PDCD10: variants seen among roughly 807,000 people sequenced by gnomAD.
PDCD10 encodes the protein programmed cell death 10, also known as programmed cell death protein 10.
A neutral mutation model predicts 29.2 loss-of-function variants in PDCD10; 4 were observed. The ratio of observed to expected loss-of-function variants is 0.14; its 90% CI spans 0.07 to 0.31. The LOEUF is 0.31. PDCD10 is among the 10% of genes least tolerant of loss of function. PDCD10 has a pLI of 1.00. For synonymous variants in PDCD10, 70 were observed against 82.2 expected (o/e 0.85, Z 0.80); for missense variants, 183 against 257.9 (o/e 0.71, Z 1.99).
At position 167,695,550 on chromosome 3, in the gene PDCD10, G is replaced by A. The variant is rs200959967; in HGVS notation, c.395+46C>T. On this transcript the variant is annotated intron_variant, in intron 6 of 8. Coordinates refer to ENST00000392750, the MANE Select transcript of PDCD10 (RefSeq NM_007217.4). ...AAAAAATGTAGATGAGTAGTTCCTC[G>A]GAAGTACTTTTAAGAAAAGAAGAAA... The A allele has an allele frequency of 3.1e-3, 4,900 of 1,572,104 alleles. 19 individuals carry two copies. Among genetic ancestry groups the A allele is most frequent in the Non-Finnish European group, 3.6e-3 (4,124 of 1,142,006 alleles).
rs1485596030 is a variant in PDCD10, at chr3:167,683,711, T to A, written c.*597A>T. 3 of 151,788 alleles carry A rather than the reference T, an allele frequency of 2.0e-5. No homozygotes were observed. Among genetic ancestry groups the A allele is most frequent in the African/African-American group, 7.2e-5 (3 of 41,396 alleles). The allele number at this position is 151,788 out of a possible 1,614,324, so 9.4% of individuals were successfully genotyped here. Reference sequence around the variant, plus strand: ...TAAGTAATTAACAAAAATATTTCCATTGACTACTCTGTGTCCAAAGTGATT... The same window carrying A: ...TAAGTAATTAACAAAAATATTTCCAATGACTACTCTGTGTCCAAAGTGATT... On this transcript the variant is annotated 3_prime_UTR_variant, in exon 9 of 9. Coordinates refer to ENST00000392750, the MANE Select transcript of PDCD10 (RefSeq NM_007217.4).
At chr3:167,686,619 C>G (rs1210773194) in intron 8 of PDCD10, among the ~76,000 whole-genome samples, 1 of 152,148 alleles carries the variant, frequency 6.6e-6, no homozygotes, top group Non-Finnish European at 1.5e-5. Context: ...CTGAAAATTT[C>G]TAAGAAATGC....
chr3:167,683,872 CAT>C lies in PDCD10; in HGVS notation c.*434_*435del, dbSNP rs886487656. On this transcript the variant is annotated 3_prime_UTR_variant, in exon 9 of 9. Coordinates refer to ENST00000392750, the MANE Select transcript of PDCD10 (RefSeq NM_007217.4). Reference sequence around the variant, plus strand: ...ATATATATATATATATATATACACACATATATATATGCATTTTTTCAAGTAAA... The same window carrying C: ...ATATATATATATATATATATACACACATATATATGCATTTTTTCAAGTAAA... 2.4e-5 allele frequency: 4 copies of C among 163,572 alleles called. No individual in the cohort carries two copies. Among genetic ancestry groups the C allele is most frequent in the African/African-American group, 4.9e-5 (2 of 40,418 alleles). The allele number at this position is 163,572 out of a possible 1,614,324, so 10.1% of individuals were successfully genotyped here.
At chr3:167,730,183 A>C (rs1344244104) in intron 2 of PDCD10, among the ~76,000 whole-genome samples, 1 of 151,514 alleles carries the variant, frequency 6.6e-6, no homozygotes, top group Non-Finnish European at 1.5e-5. Context: ...TCTAATTGCT[A>C]TAATAAATGT....
At chr3:167,691,235 C>T (rs1017367669) in intron 6 of PDCD10, among the ~76,000 whole-genome samples, 5 of 152,050 alleles carry the variant, frequency 3.3e-5, no homozygotes, top group African/African-American at 7.2e-5. Flanking sequence ...TATACTTTAG[C>T]CTATCTATGC....
At chr3:167,692,835 A>G (rs975671316) in intron 6 of PDCD10, among the ~76,000 whole-genome samples, 16 of 152,212 alleles carry the variant, frequency 1.1e-4, no homozygotes, top group Non-Finnish European at 1.6e-4. Flanking sequence ...GGAGAGTGGC[A>G]TGAACCCGGG....
chr3:167,734,700 T>A lies in PDCD10; in HGVS notation c.-292A>T, dbSNP rs1725225637. 6.5e-6 allele frequency: 1 copy of A among 154,646 alleles called. No homozygotes were observed. Among genetic ancestry groups the A allele is most frequent in the Non-Finnish European group, 1.4e-5 (1 of 69,764 alleles). The allele number at this position is 154,646 out of a possible 1,614,324, so 9.6% of individuals were successfully genotyped here. Reference sequence around the variant, plus strand: ...CGCTCTCAGCCCCGTCCGCTCCGCCTGCCAGAACCAAGCCCAAGTGCCTCA... The same window carrying A: ...CGCTCTCAGCCCCGTCCGCTCCGCCAGCCAGAACCAAGCCCAAGTGCCTCA... On this transcript the variant is annotated 5_prime_UTR_variant, in exon 1 of 9. Transcript: ENST00000392750.
Position 167,684,361 on chromosome 3 carries a change from G to C in PDCD10, c.586C>G (p.Arg196Gly). 6.2e-7 allele frequency: 1 copy of C among 1,606,254 alleles called. No homozygotes were observed. Among genetic ancestry groups the C allele is most frequent in the Non-Finnish European group, 8.5e-7 (1 of 1,173,466 alleles). ...KAINVFVSAN[R>G]LIHQTNLILQ... The stretch of plus-strand genomic sequence containing the variant: ...ATTAAGTTGGTTTGATGAATTAGTC[G>C]GTTGGCACTTACGAACACATTTATT... The change falls in exon 9 of 9, where the codon CGA becomes GGA. Residue 196 changes from arginine to glycine, a missense_variant. Transcript: ENST00000392750.
intron 2 of PDCD10, among the ~76,000 whole-genome samples, chr3:167,732,066 A>AC (rs1724874069): frequency 6.6e-6 from 1 of 152,174 alleles, no homozygotes; most frequent in Non-Finnish European, 1.5e-5. Context: ...TTTTAGTGTT[A>AC]AACAGAGTAA....
chr3:167,715,370 A>T (rs1421220352), intron 3 of PDCD10, among the ~76,000 whole-genome samples: 1 of 151,946 alleles, frequency 6.6e-6, no homozygotes, highest in Admixed American at 6.6e-5. Context: ...AATTTCTTAC[A>T]TAATACCCCA....
At chr3:167,691,497 T>C (rs1226264746) in intron 6 of PDCD10, among the ~76,000 whole-genome samples, 1 of 152,176 alleles carries the variant, frequency 6.6e-6, no homozygotes, top group Non-Finnish European at 1.5e-5. Flanking sequence ...TCAATTTCCT[T>C]ATGACTAAAA....
At chr3:167,719,896 T>A (rs1029397860) in intron 3 of PDCD10, among the ~76,000 whole-genome samples, 166 bp downstream of exon 3, 3 of 152,138 alleles carry the variant, frequency 2.0e-5, no homozygotes, top group Non-Finnish European at 4.4e-5. Context: ...GAGGCATATC[T>A]GCTTGGCTTT....
rs1013411025 is a variant in PDCD10, at chr3:167,730,707, G to T, written c.-117+3507C>A. The T allele has an allele frequency of 7.2e-5, 11 of 152,226 alleles. No homozygotes were observed. In the East Asian group the frequency reaches 1.9e-3, roughly 27 times the overall value. 9.4% of individuals were successfully genotyped at this position (152,226 alleles called of 1,614,324 possible). A position where few individuals can be genotyped will look rare whatever the true frequency, so the allele number is the denominator to read the frequency against. Reference sequence around the variant, plus strand: ...TGACCTTACTCTATGCCATACCGTGGTACTACAAATGACTGCAGAACTTGT... The same window carrying T: ...TGACCTTACTCTATGCCATACCGTGTTACTACAAATGACTGCAGAACTTGT... On this transcript the variant is annotated intron_variant, in intron 2 of 8. Coordinates refer to ENST00000392750, the MANE Select transcript of PDCD10 (RefSeq NM_007217.4).
intron 2 of PDCD10, among the ~76,000 whole-genome samples, chr3:167,720,662 A>C (rs892655601): frequency 1.3e-5 from 2 of 152,122 alleles, no homozygotes; most frequent in Non-Finnish European, 2.9e-5. Context: ...CAGGAAATGC[A>C]TGATGTGTAA....
chr3:167,711,321 A>G (rs1268794144), intron 3 of PDCD10, among the ~76,000 whole-genome samples: 1 of 152,150 alleles, frequency 6.6e-6, no homozygotes, highest in African/African-American at 2.4e-5. Flanking sequence ...AAATTTAACA[A>G]AGAGACTGAA....
At chr3:167,711,840 C>T (rs900865626) in intron 3 of PDCD10, among the ~76,000 whole-genome samples, 3 of 152,062 alleles carry the variant, frequency 2.0e-5, no homozygotes, top group Non-Finnish European at 1.5e-5. Context: ...GGAAACCTTA[C>T]AGGCCATGAG....
chr3:167,734,115 T>A (rs1223066299), intron 2 of PDCD10, 99 bp downstream of exon 2: 1 of 152,238 alleles, frequency 6.6e-6, no homozygotes, highest in African/African-American at 2.4e-5. Flanking sequence ...AGTCTGTCCC[T>A]ACGTGTGTGA....
chr3:167,715,794 C>T (rs1184521030), intron 3 of PDCD10, among the ~76,000 whole-genome samples: 1 of 151,934 alleles, frequency 6.6e-6, no homozygotes, highest in East Asian at 1.9e-4. Flanking sequence ...GAAAGGAAAA[C>T]CCTGGTATAG....
chr3:167,705,282 A>G (rs1045508444), intron 3 of PDCD10, among the ~76,000 whole-genome samples: 2 of 152,110 alleles, frequency 1.3e-5, no homozygotes, highest in Non-Finnish European at 2.9e-5. Flanking sequence ...TAAAAAACCT[A>G]GCTTCTGTTA....
Sources: allele counts gnomAD v4.1 joint callset (sites outside exome capture counted in the v4.1 genomes callset), GRCh38; gene constraint gnomAD v4.1.1; transcripts MANE v1.5; gene names NCBI Gene and HGNC (gene_info 2026-07-23, HGNC 2026-07-21).